Variants in NAALADL2 observed in about 807,000 individuals in gnomAD.
NAALADL2 encodes the protein N-acetylated alpha-linked acidic dipeptidase like 2.
A neutral mutation model predicts 87.2 loss-of-function variants in NAALADL2; 76 were observed. The observed-to-expected ratio is 0.87, with a 90% CI of 0.72 to 1.05. The LOEUF is 1.05. Ranked by LOEUF, NAALADL2 falls within the 50% of genes least tolerant of loss-of-function variation. The pLI is 0.00. For synonymous variants in NAALADL2, 354 were observed against 331.0 expected, an observed-to-expected ratio of 1.07 and a Z score of -0.75; for missense variants, 1,089 against 945.8, an observed-to-expected ratio of 1.15 and a Z score of -1.99.
intron 9 of NAALADL2, among the ~76,000 whole-genome samples, chr3:175,498,848 G>A (rs1223249829): frequency 1.3e-5 from 2 of 152,016 alleles, no homozygotes; most frequent in Non-Finnish European, 2.9e-5. Flanking sequence ...AAGTAATTAA[G>A]TTAAAAGAAG....
intron 11 of NAALADL2, among the ~76,000 whole-genome samples, chr3:175,689,162 CAAAAG>C (rs1243223365): frequency 5.9e-5 from 9 of 151,780 alleles, no homozygotes; most frequent in Non-Finnish European, 1.2e-4. Context: ...TATTAGAAGA[CAAAAG>C]AATAAATTAG....
In NAALADL2 at chr3:175,529,724, G is replaced by T. The variant is rs145740257; in HGVS notation, c.1654-46317G>T. On this transcript the variant is annotated intron_variant, in intron 9 of 13. Transcript: ENST00000454872. Reference sequence around the variant, plus strand: ...ACTGCTGCACTTCTTTAGCCGTAAAGTAAGCACCTTGGTCAGAGGCAATGC... The same window carrying T: ...ACTGCTGCACTTCTTTAGCCGTAAATTAAGCACCTTGGTCAGAGGCAATGC... 3.9e-3 allele frequency among the ~76,000 whole-genome samples: 588 copies of T among 152,320 alleles called. 6 individuals carry two copies. The highest frequency in any genetic ancestry group is 0.013 in the East Asian group (65 of 5,188).
intron 11 of NAALADL2, among the ~76,000 whole-genome samples, chr3:175,639,882 T>C (rs999905392): frequency 6.6e-6 from 1 of 152,100 alleles, no homozygotes; most frequent in South Asian, 2.1e-4. Flanking sequence ...TTGTAGAGTT[T>C]AGCAATCTTG....
At chr3:174,922,640 T>C (rs1735412673) in intron 1 of NAALADL2, among the ~76,000 whole-genome samples, 2 of 152,198 alleles carry the variant, frequency 1.3e-5, no homozygotes, top group African/African-American at 4.8e-5. Context: ...TTGTAAAACT[T>C]GCTCAGTCTT....
rs1375793749 is a variant in NAALADL2, at chr3:175,638,418, AG to A, written c.1896+11035del. Among the ~76,000 whole-genome samples, 15 of 152,180 alleles carry A rather than the reference AG, an allele frequency of 9.9e-5. 1 individual carries two copies. The highest frequency in any genetic ancestry group is 3.1e-4 in the African/African-American group (13 of 41,440). On this transcript the variant is annotated intron_variant, in intron 11 of 13. Transcript: ENST00000454872. ...CATTCAGTTTATTCACATCCTTCAGAGGGCCCTAGGGACAACCATGCTGCCA... is the reference window on the plus strand; with the variant it reads ...CATTCAGTTTATTCACATCCTTCAGAGGCCCTAGGGACAACCATGCTGCCA...
Position 175,058,083 on chromosome 3 carries a change from T to C in NAALADL2, c.44-38707T>C, listed in dbSNP as rs369387006. Among the ~76,000 whole-genome samples the C allele has an allele frequency of 2.0e-5, 3 of 152,360 alleles. No homozygotes were observed. In the East Asian group the frequency reaches 5.8e-4, roughly 29 times the overall value. ...TTTGATTTAAATAGAACAGTGATTT[T>C]TTTTCAATGACAATTTGGTAAACTT... On this transcript the variant is annotated intron_variant, in intron 1 of 13. Coordinates refer to ENST00000454872, the MANE Select transcript of NAALADL2 (RefSeq NM_207015.3).
chr3:174,949,332 A>G (rs1292348610), intron 1 of NAALADL2, among the ~76,000 whole-genome samples: 1 of 152,102 alleles, frequency 6.6e-6, no homozygotes, highest in Non-Finnish European at 1.5e-5. Flanking sequence ...GTTACGACCT[A>G]GCCTCGAAAG....
chr3:174,789,949 G>A (rs1717257980), intron 3 of NAALADL2, among the ~76,000 whole-genome samples: 2 of 152,206 alleles, frequency 1.3e-5, no homozygotes, highest in Admixed American at 6.5e-5. Flanking sequence ...GGCCAACAGG[G>A]CGTTATCATG....
chr3:175,290,310 A>G (rs975654802), intron 4 of NAALADL2, among the ~76,000 whole-genome samples: 5 of 152,234 alleles, frequency 3.3e-5, no homozygotes, highest in Non-Finnish European at 7.3e-5. Context: ...AGATATTCAT[A>G]CAATGGAATG....
At chr3:174,575,433 C>A (rs1472547535) in intron 2 of NAALADL2, among the ~76,000 whole-genome samples, 2 of 151,970 alleles carry the variant, frequency 1.3e-5, no homozygotes, top group Non-Finnish European at 2.9e-5. Flanking sequence ...AGTTTAAAGC[C>A]CAAACATTTC....
intron 2 of NAALADL2, among the ~76,000 whole-genome samples, chr3:175,205,022 T>C (rs1740614462): frequency 6.6e-6 from 1 of 152,088 alleles, no homozygotes; most frequent in South Asian, 2.1e-4. Flanking sequence ...AAAATGATCA[T>C]ACTGCCAAAA....
intron 6 of NAALADL2, among the ~76,000 whole-genome samples, chr3:175,452,371 T>C (rs1028809176): frequency 2.0e-5 from 3 of 152,108 alleles, no homozygotes; most frequent in African/African-American, 7.2e-5. Context: ...ACAAACCTTT[T>C]TGGCCATAAC....
chr3:175,227,622 C>A (rs1367860294), intron 2 of NAALADL2, among the ~76,000 whole-genome samples: 1 of 151,848 alleles, frequency 6.6e-6, no homozygotes, highest in Non-Finnish European at 1.5e-5. Context: ...GAGTGGTTCA[C>A]CATAAATCCT....
At chr3:175,535,390 C>A (rs1181712235) in intron 9 of NAALADL2, among the ~76,000 whole-genome samples, 1 of 152,188 alleles carries the variant, frequency 6.6e-6, no homozygotes, top group Non-Finnish European at 1.5e-5. Flanking sequence ...TTCAGCTTAA[C>A]TCTGCATTTC....
chr3:175,032,980 C>T (rs1176304061), intron 1 of NAALADL2, among the ~76,000 whole-genome samples: 1 of 152,040 alleles, frequency 6.6e-6, no homozygotes, highest in East Asian at 1.9e-4. Flanking sequence ...TCAGAGTTTC[C>T]TGCTTCTTCC....
chr3:174,842,904 A>G (rs16865009), intron 3 of NAALADL2, among the ~76,000 whole-genome samples: 5,280 of 152,252 alleles, frequency 0.035, 255 homozygotes, highest in African/African-American at 0.11. Flanking sequence ...CTTGCCGTCA[A>G]TTATGGCTTA....
chr3:174,549,622 C>A (rs1711874503), intron 1 of NAALADL2, among the ~76,000 whole-genome samples: 1 of 152,196 alleles, frequency 6.6e-6, no homozygotes, highest in Non-Finnish European at 1.5e-5. Context: ...TATTTTATGG[C>A]ATACACTAAC....
rs541114857 is a variant in NAALADL2, at chr3:175,457,349, G to A, written c.1235-6052G>A. The stretch of plus-strand genomic sequence containing the variant: ...TGATCACTTGATTAAGGTGGTGGCC[G>A]CCAGGTCTCCCTATTGAAGTTACTT... On this transcript the variant is annotated intron_variant, in intron 6 of 13. Coordinates refer to ENST00000454872, the MANE Select transcript of NAALADL2 (RefSeq NM_207015.3). Among the ~76,000 whole-genome samples the A allele has an allele frequency of 2.6e-4, 39 of 152,030 alleles. No individual in the cohort carries two copies. The South Asian group carries it at 3.3e-3, about 13-fold the overall frequency.
At chr3:175,328,591 G>A (rs886283351) in intron 5 of NAALADL2, among the ~76,000 whole-genome samples, 2 of 152,024 alleles carry the variant, frequency 1.3e-5, no homozygotes, top group South Asian at 4.2e-4. Flanking sequence ...GATTTCCCAG[G>A]ACCATATATT....
Sources: allele counts gnomAD v4.1 joint callset (sites outside exome capture counted in the v4.1 genomes callset), GRCh38; gene constraint gnomAD v4.1.1; transcripts MANE v1.5; gene names NCBI Gene and HGNC (gene_info 2026-07-23, HGNC 2026-07-21).